ARMCX4: variants seen among roughly 807,000 people sequenced by gnomAD.
The protein encoded by ARMCX4 is armadillo repeat containing X-linked 4.
In ARMCX4, 3 loss-of-function variants were observed where a neutral mutation model predicts 34.7. That is an observed-to-expected ratio of 0.09 (90% CI 0.04 to 0.22). The LOEUF is 0.22. Among genes scored for constraint, ARMCX4 ranks in the 10% least tolerant of loss-of-function variants. ARMCX4 has a pLI of 1.00. For synonymous variants in ARMCX4, 513 were observed against 632.8 expected (o/e 0.81, Z 2.84); for missense variants, 1,448 against 1,720.8 (o/e 0.84, Z 2.81).
Position 101,494,098 on chromosome X carries a change from G to C in ARMCX4, c.5509G>C (p.Ala1837Pro). 2.1e-6 allele frequency: 2 copies of C among 955,744 alleles called. No homozygotes were observed. Among genetic ancestry groups the C allele is most frequent in the Non-Finnish European group, 2.8e-6 (2 of 723,586 alleles). 78.8% of individuals were successfully genotyped at this position (955,744 alleles called of 1,213,427 possible). A position where few individuals can be genotyped will look rare whatever the true frequency, so the allele number is the denominator to read the frequency against. Residue 1837 changes from alanine (A) to proline (P), a missense_variant, in exon 6 of 6, where the codon GCT becomes CCT. Coordinates refer to ENST00000423738, the MANE Select transcript of ARMCX4 (RefSeq NM_001256155.3). ...GGCTGAGGCTGGGGCTGAGGCTGGG[G>C]CTGGGGCTGGGGCTGGGCCTGGGAC... ...AGAEAGAEAG[A>P]GAGAGPGTES...
chrX:101,519,210 C>T (rs782143420), intron 11 of ARMCX4, among the ~76,000 whole-genome samples: 11 of 111,331 alleles, frequency 9.9e-5, no homozygotes, highest in Non-Finnish European at 2.1e-4. Flanking sequence ...CATGATGTAT[C>T]AGCTATAATT....
intron 2 of ARMCX4, among the ~76,000 whole-genome samples, chrX:101,421,059 C>T (rs189308855): frequency 2.4e-3 from 265 of 109,148 alleles, no homozygotes; most frequent in Non-Finnish European, 4.4e-3. Flanking sequence ...AAAAGTTAGC[C>T]GGGCATGGTG....
upstream of ARMCX4, among the ~76,000 whole-genome samples, chrX:101,481,777 T>A (rs1933462625): frequency 8.9e-6 from 1 of 111,851 alleles, no homozygotes; most frequent in African/African-American, 3.2e-5. Flanking sequence ...CAAAGCTTTA[T>A]GTGCCAGACT....
chrX:101,506,381 A>G (rs1229349704), intron 8 of ARMCX4, among the ~76,000 whole-genome samples: 1 of 111,673 alleles, frequency 9.0e-6, no homozygotes, highest in Non-Finnish European at 1.9e-5. Flanking sequence ...GTGGCTCACA[A>G]ACAGCAGAAA....
intron 4 of ARMCX4, among the ~76,000 whole-genome samples, chrX:101,476,283 A>G (rs923323800): frequency 1.7e-4 from 19 of 109,462 alleles, no homozygotes; most frequent in African/African-American, 6.0e-4. Context: ...TACATCCTAG[A>G]TAGAAGAATC....
downstream of ARMCX4, among the ~76,000 whole-genome samples, chrX:101,447,101 A>G (rs782275779): frequency 8.9e-6 from 1 of 112,171 alleles, no homozygotes; most frequent in Non-Finnish European, 1.9e-5. Flanking sequence ...GAGTGTACTC[A>G]TGATATGGCT....
intron 2 of ARMCX4, among the ~76,000 whole-genome samples, chrX:101,441,538 A>T (rs1331480083): frequency 2.7e-5 from 3 of 110,319 alleles, no homozygotes; most frequent in African/African-American, 9.9e-5. Context: ...AGAGCAGTAC[A>T]GATGTGTGCA....
At chrX:101,462,638 CAAA>C (rs34826497) in intron 4 of ARMCX4, among the ~76,000 whole-genome samples, 1 of 40,676 alleles carries the variant, frequency 2.5e-5, no homozygotes, top group Non-Finnish European at 4.8e-5. Context: ...GACTCTGTCT[CAAA>C]AAAAAAAAAA....
Position 101,487,692 on chromosome X carries a change from G to A in ARMCX4, c.-203+1G>A. 3.2e-6 allele frequency: 3 copies of A among 947,702 alleles called. No homozygotes were observed. Among genetic ancestry groups the A allele is most frequent in the Non-Finnish European group, 1.4e-6 (1 of 734,742 alleles). 78.1% of individuals were successfully genotyped at this position (947,702 alleles called of 1,213,427 possible). A position where few individuals can be genotyped will look rare whatever the true frequency, so the allele number is the denominator to read the frequency against. Reference sequence around the variant, plus strand: ...GATTGCTCCTGATCAGTATAGACTGGTAAGAGTGTGGGGACTGCCTGGGTA... The same window carrying A: ...GATTGCTCCTGATCAGTATAGACTGATAAGAGTGTGGGGACTGCCTGGGTA... On this transcript the variant is annotated splice_donor_variant, in intron 4 of 5. Transcript: ENST00000423738. LOFTEE classifies it low-confidence loss of function (5UTR_SPLICE).
At position 101,491,738 on chromosome X, in the gene ARMCX4, C is replaced by A. The variant is rs1933988745; in HGVS notation, c.3149C>A (p.Ser1050Tyr). The A allele has an allele frequency of 8.6e-7, 1 of 1,156,302 alleles. No homozygotes were observed. The highest frequency in any genetic ancestry group is 1.8e-5 in the African/African-American group (1 of 56,597). ...TLPGARDKSM[S>Y]TSEAEATAED... The stretch of plus-strand genomic sequence containing the variant: ...CCTGGGGCAAGGGACAAGTCTATGT[C>A]CACTTCTGAGGCAGAAGCCACAGCA... The change falls in exon 6 of 6, where the codon TCC (serine) becomes TAC (tyrosine). Residue 1050 changes from serine (S) to tyrosine (Y), a missense_variant. This residue lies in a region of ARMCX4 where 1,343 missense variants were observed against 1,540.7 expected (regional missense o/e 0.87). Coordinates refer to ENST00000423738, the MANE Select transcript of ARMCX4 (RefSeq NM_001256155.3).
chrX:101,438,571 A>C (rs182646373), intron 2 of ARMCX4, among the ~76,000 whole-genome samples: 3,653 of 109,838 alleles, frequency 0.033, 59 homozygotes, highest in Non-Finnish European at 0.041. Context: ...TTCCCCCCCC[A>C]AAAAAAGTCT....
At chrX:101,531,224 C>G (rs1935122346) in intron 11 of ARMCX4, among the ~76,000 whole-genome samples, 1 of 111,780 alleles carries the variant, frequency 8.9e-6, no homozygotes, top group Non-Finnish European at 1.9e-5. Flanking sequence ...CTGGGCCCAC[C>G]CAGATAGAAC....
intron 2 of ARMCX4, among the ~76,000 whole-genome samples, chrX:101,437,193 C>T (rs1192359023): frequency 1.8e-5 from 2 of 111,796 alleles, no homozygotes; most frequent in Non-Finnish European, 3.8e-5. Context: ...TCTTTTTCTA[C>T]TGATTGGAAT....
At chrX:101,503,680 A>G (rs1270885633) in intron 7 of ARMCX4, among the ~76,000 whole-genome samples, 1 of 111,080 alleles carries the variant, frequency 9.0e-6, no homozygotes, top group African/African-American at 3.3e-5. Flanking sequence ...TAGATTCTGG[A>G]TATTAGCCCT....
Position 101,491,588 on chromosome X carries a change from C to A in ARMCX4, c.2999C>A (p.Thr1000Asn), listed in dbSNP as rs782493708. Residue 1000 changes from threonine (T) to asparagine (N), a missense_variant, in exon 6 of 6, where the codon ACC becomes AAC. By Grantham distance (65) the Thr-to-Asn change is moderately conservative. This residue lies in a region of ARMCX4 where 1,343 missense variants were observed against 1,540.7 expected (regional missense o/e 0.87). Coordinates refer to ENST00000423738, the MANE Select transcript of ARMCX4 (RefSeq NM_001256155.3). ...GCTGTCGCTAATTCCCAGAGTGAGACCTTGCTTGGTGCCAGGAATAAGGTC... is the reference window on the plus strand; with the variant it reads ...GCTGTCGCTAATTCCCAGAGTGAGAACTTGCTTGGTGCCAGGAATAAGGTC... ...PQAVANSQSE[T>N]LLGARNKVKG... is the part of the protein sequence containing the mutation. 8 of 1,156,396 alleles carry A rather than the reference C, an allele frequency of 6.9e-6. No homozygotes were observed. The highest frequency in any genetic ancestry group is 9.2e-6 in the Non-Finnish European group (8 of 873,021).
intron 7 of ARMCX4, among the ~76,000 whole-genome samples, chrX:101,504,692 T>C (rs1320020376): frequency 9.0e-6 from 1 of 111,491 alleles, no homozygotes; most frequent in African/African-American, 3.3e-5. Flanking sequence ...ACTTAGGGCT[T>C]AGAGGCTGGT....
rs1238142110 is a variant in ARMCX4 at position 101,433,305 on chromosome X, T to C, written n.165-10747T>C. On this transcript the variant is annotated intron_variant and non_coding_transcript_variant, in intron 2 of 3. Coordinates refer to the ARMCX4 transcript ENST00000430461. Reference sequence around the variant, plus strand: ...GTACACATATACATATATGTACCTATATGTACATATATACTTACATATAAA... The same window carrying C: ...GTACACATATACATATATGTACCTACATGTACATATATACTTACATATAAA... 9.9e-5 allele frequency among the ~76,000 whole-genome samples: 10 copies of C among 101,442 alleles called. No homozygotes were observed. In the East Asian group the frequency reaches 3.0e-3, roughly 30 times the overall value. 88.1% of individuals were successfully genotyped at this position (101,442 alleles called of 115,157 possible). A position where few individuals can be genotyped will look rare whatever the true frequency, so the allele number is the denominator to read the frequency against.
intron 2 of ARMCX4, among the ~76,000 whole-genome samples, chrX:101,425,639 C>G (rs1929565608): frequency 9.1e-6 from 1 of 110,058 alleles, no homozygotes. Context: ...AGGTGATCCG[C>G]CTACCTCAGC....
In ARMCX4 at chrX:101,489,137, A is replaced by G. The variant is rs967643029; in HGVS notation, c.548A>G (p.Glu183Gly). Residue 183 changes from glutamate to glycine, a missense_variant, in exon 6 of 6, where the codon GAA (glutamate) becomes GGA (glycine). Coordinates refer to ENST00000423738, the MANE Select transcript of ARMCX4 (RefSeq NM_001256155.3). ...ALVAKTEAKR[E>G]AMTQTKAETH... Reference sequence around the variant, plus strand: ...GTTGCCAAGACAGAGGCCAAGAGAGAAGCAATGACCCAGACCAAAGCTGAA... The same window carrying G: ...GTTGCCAAGACAGAGGCCAAGAGAGGAGCAATGACCCAGACCAAAGCTGAA... The G allele has an allele frequency of 1.7e-5, 20 of 1,156,176 alleles. No homozygotes were observed. Among genetic ancestry groups the G allele is most frequent in the Non-Finnish European group, 2.3e-5 (20 of 873,019 alleles).
Sources: allele counts gnomAD v4.1 joint callset (sites outside exome capture counted in the v4.1 genomes callset), GRCh38; gene constraint gnomAD v4.1.1; regional missense constraint gnomAD v4.1.1; transcripts MANE v1.5; gene names NCBI Gene and HGNC (gene_info 2026-07-23, HGNC 2026-07-21).